TTF2: variants seen among roughly 807,000 people sequenced by gnomAD.
The protein encoded by TTF2 is transcription termination factor 2.
A neutral mutation model predicts 142.4 loss-of-function variants in TTF2; 108 were observed. The ratio of observed to expected loss-of-function variants is 0.76; its 90% CI spans 0.65 to 0.89. The LOEUF (loss-of-function observed/expected upper bound fraction) is 0.89. TTF2 is among the 40% of genes least tolerant of loss of function. The pLI, the probability that TTF2 is intolerant of heterozygous loss-of-function variation, is 0.00. For synonymous variants in TTF2, 483 were observed against 506.2 expected (o/e 0.95, Z 0.61); for missense variants, 1,327 against 1,379.8 (o/e 0.96, Z 0.61).
At chr1:117,084,244 C>A in intron 11 of TTF2, 76 bp downstream of exon 11, 1 of 1,569,320 alleles carries the variant, frequency 6.4e-7, no homozygotes, top group Non-Finnish European at 8.7e-7. Flanking sequence ...GCTCCCATCC[C>A]TGAGATTTCA....
chr1:117,071,525 G>A (rs1177425269), intron 3 of TTF2, among the ~76,000 whole-genome samples: 2 of 152,166 alleles, frequency 1.3e-5, no homozygotes, highest in Non-Finnish European at 2.9e-5. Flanking sequence ...CTAATGAGCA[G>A]TTACATGTTG....
chr1:117,077,957 A>G lies in TTF2; in HGVS notation c.1615A>G (p.Thr539Ala), dbSNP rs1657150147. 3 of 1,614,086 alleles carry G rather than the reference A, an allele frequency of 1.9e-6. No individual in the cohort carries two copies. The highest frequency in any genetic ancestry group is 3.3e-5 in the Admixed American group (2 of 60,006). ...QDHVHAVWKI[T>A]SEAIGQLHRS... is the part of the protein sequence containing the mutation. ...TCACGTTCATGCAGTGTGGAAAATC[A>G]CAAGTGAAGCCATCGGTCAACTGCA... The change falls in exon 8 of 23, where the codon ACA becomes GCA. Residue 539 changes from threonine (T) to alanine (A), a missense_variant. Thr to Ala is a moderately conservative substitution (Grantham distance 58). Coordinates refer to ENST00000369466, the MANE Select transcript of TTF2 (RefSeq NM_003594.4).
At position 117,095,769 on chromosome 1, in the gene TTF2, G is replaced by A. The variant is rs142061751; in HGVS notation, c.3036-380G>A. 3.3e-3 allele frequency among the ~76,000 whole-genome samples: 501 copies of A among 152,274 alleles called. 3 individuals carry two copies. Among genetic ancestry groups the A allele is most frequent in the South Asian group, 5.2e-3 (25 of 4,830 alleles). ...AATTTAGAACTCGAATTAAGACAGC[G>A]TGGGGGCAGGGAGGAGCCTGTTGTT... On this transcript the variant is annotated intron_variant, in intron 19 of 22. Coordinates refer to ENST00000369466, the MANE Select transcript of TTF2 (RefSeq NM_003594.4).
Position 117,090,562 on chromosome 1 carries a change from C to G in TTF2, c.2527C>G (p.His843Asp), listed in dbSNP as rs1648479287. ...ACTGCCCCAGCGTAAATTTCAGTTG[C>G]ACCATTTAAAGCTTTCTGAAGATGA... is the stretch of plus-strand genomic sequence containing the variant. Reference protein sequence around the residue: ...VILPQRKFQLHHLKLSEDEET... With the variant: ...VILPQRKFQLDHLKLSEDEET... Residue 843 changes from histidine to aspartate, a missense_variant, in exon 15 of 23, where the codon CAC becomes GAC. Transcript: ENST00000369466. The surrounding 1 kb of genome is among the most constrained non-coding windows in gnomAD (Gnocchi z 4.8). The G allele has an allele frequency of 3.1e-6, 5 of 1,613,864 alleles. No individual in the cohort carries two copies. Among genetic ancestry groups the G allele is most frequent in the Non-Finnish European group, 4.2e-6 (5 of 1,179,952 alleles).
chr1:117,096,649 G>T (rs1345995779), intron 20 of TTF2, among the ~76,000 whole-genome samples: 1 of 152,142 alleles, frequency 6.6e-6, no homozygotes, highest in Non-Finnish European at 1.5e-5. Flanking sequence ...AAGTGCTGGG[G>T]TTACAGGCGT....
chr1:117,101,013 T>C lies in TTF2; in HGVS notation c.3345-367T>C, dbSNP rs1649542706. ...ATTGTGAATTCACTAAGAAATACTC[T>C]ACTTAAACTAGCAGAAATTTGATAA... On this transcript the variant is annotated intron_variant, in intron 22 of 22. Coordinates refer to ENST00000369466, the MANE Select transcript of TTF2 (RefSeq NM_003594.4). This position sits in a 1 kb window ranked among gnomAD's most constrained non-coding sequence, Gnocchi z 5.9. Among the ~76,000 whole-genome samples, 2 of 152,356 alleles carry C rather than the reference T, an allele frequency of 1.3e-5. No individual in the cohort carries two copies. Among genetic ancestry groups the C allele is most frequent in the South Asian group, 2.1e-4 (1 of 4,828 alleles).
In TTF2 at chr1:117,075,957, G is replaced by C; in HGVS notation, c.1275+98G>C. ...CTACAGAAGGGTTAAATATGTTCATGTGAAGGTTTTATAGGTGCATGTTCA... is the reference window on the plus strand; with the variant it reads ...CTACAGAAGGGTTAAATATGTTCATCTGAAGGTTTTATAGGTGCATGTTCA... On this transcript the variant is annotated intron_variant, in intron 5 of 22. Transcript: ENST00000369466. This position sits in a 1 kb window ranked among gnomAD's most constrained non-coding sequence, Gnocchi z 4.5. 6.7e-7 allele frequency: 1 copy of C among 1,482,424 alleles called. No homozygotes were observed. The highest frequency in any genetic ancestry group is 2.3e-5 in the Admixed American group (1 of 43,382). 91.8% of individuals were successfully genotyped at this position (1,482,424 alleles called of 1,614,324 possible).
chr1:117,094,572 G>A (rs1648922272), intron 18 of TTF2: 1 of 470,534 alleles, frequency 2.1e-6, no homozygotes. Context: ...CGTCTGGACA[G>A]GTCCTTTTCA....
In TTF2 at chr1:117,093,609, G is replaced by T. The variant is rs1648807914; in HGVS notation, c.2976+708G>T. Among the ~76,000 whole-genome samples, 1 of 152,094 alleles carries T rather than the reference G, an allele frequency of 6.6e-6. No homozygotes were observed. Among genetic ancestry groups the T allele is most frequent in the South Asian group, 2.1e-4 (1 of 4,818 alleles). On this transcript the variant is annotated intron_variant, in intron 18 of 22. Coordinates refer to ENST00000369466, the MANE Select transcript of TTF2 (RefSeq NM_003594.4). The surrounding 1 kb of genome is among the most constrained non-coding windows in gnomAD (Gnocchi z 4.5). ...CTAGAAAGGTCACTTCCAGGGGAAT[G>T]GCATTATTTTTTAAAAGGAATGCTG...
At chr1:117,091,679 C>T (rs562838672) in intron 16 of TTF2, 138 bp from the exon 17 acceptor site, 1 of 1,138,442 alleles carries the variant, frequency 8.8e-7, no homozygotes, top group African/African-American at 1.6e-5. Context: ...ATTGAAGTGG[C>T]CTATAGAAGT....
chr1:117,093,039 T>G lies in TTF2; in HGVS notation c.2976+138T>G. 1.1e-6 allele frequency: 1 copy of G among 930,530 alleles called. No individual in the cohort carries two copies. The highest frequency in any genetic ancestry group is 1.6e-6 in the Non-Finnish European group (1 of 621,106). 57.6% of individuals were successfully genotyped at this position (930,530 alleles called of 1,614,324 possible). A position where few individuals can be genotyped will look rare whatever the true frequency, so the allele number is the denominator to read the frequency against. On this transcript the variant is annotated intron_variant, in intron 18 of 22. Transcript: ENST00000369466. This position sits in a 1 kb window ranked among gnomAD's most constrained non-coding sequence, Gnocchi z 4.5. ...AGCCGTTAAATTCTAGCTGATCAGATTCTCCCTCCAGTCTTAAAGCTTCAT... is the reference window on the plus strand; with the variant it reads ...AGCCGTTAAATTCTAGCTGATCAGAGTCTCCCTCCAGTCTTAAAGCTTCAT...
At chr1:117,096,386 T>C in intron 20 of TTF2, 87 bp downstream of exon 20, 2 of 1,515,560 alleles carry the variant, frequency 1.3e-6, no homozygotes, top group Non-Finnish European at 1.8e-6. Flanking sequence ...TTTTTGTTTT[T>C]GTCTTTTTGA....
intron 9 of TTF2, 59 bp from the exon 10 acceptor site, chr1:117,081,769 C>T: frequency 6.3e-7 from 1 of 1,577,130 alleles, no homozygotes. Context: ...TCCTCTTGAA[C>T]TAGGGTTGAT....
chr1:117,071,155 C>T (rs116106934), intron 3 of TTF2, among the ~76,000 whole-genome samples: 1,873 of 151,992 alleles, frequency 0.012, 23 homozygotes, highest in Non-Finnish European at 0.019. Flanking sequence ...AAATAAGGAG[C>T]TGCACCACAG....
intron 7 of TTF2, among the ~76,000 whole-genome samples, chr1:117,077,042 T>G (rs912746437): frequency 2.6e-5 from 4 of 152,196 alleles, no homozygotes; most frequent in Non-Finnish European, 4.4e-5. Context: ...ATTCTTCTAT[T>G]TTATTATTAT....
At chr1:117,065,665 A>T (rs1656038735) in intron 3 of TTF2, among the ~76,000 whole-genome samples, 1 of 152,150 alleles carries the variant, frequency 6.6e-6, no homozygotes, top group Admixed American at 6.5e-5. Flanking sequence ...CTTTTGTTAA[A>T]TTTATTTCTC....
At chr1:117,068,553 A>G (rs1282872387) in intron 3 of TTF2, among the ~76,000 whole-genome samples, 8 of 152,162 alleles carry the variant, frequency 5.3e-5, no homozygotes, top group African/African-American at 1.7e-4. Context: ...TAAAAAAAAA[A>G]AAAAGAAAAA....
chr1:117,082,283 G>A (rs1647591300), intron 10 of TTF2, among the ~76,000 whole-genome samples: 1 of 152,154 alleles, frequency 6.6e-6, no homozygotes, highest in Non-Finnish European at 1.5e-5. Context: ...CATGAACACA[G>A]CTTACTGCAG....
chr1:117,097,429 C>G lies in TTF2; in HGVS notation c.3265C>G (p.His1089Asp), dbSNP rs749522378. The G allele has an allele frequency of 1.2e-5, 19 of 1,614,106 alleles. No individual in the cohort carries two copies. Among genetic ancestry groups the G allele is most frequent in the Non-Finnish European group, 1.5e-5 (18 of 1,179,980 alleles). The change falls in exon 21 of 23, where the codon CAC (histidine) becomes GAC (aspartate). Residue 1089 changes from histidine to aspartate, a missense_variant. Transcript: ENST00000369466. The surrounding 1 kb of genome is among the most constrained non-coding windows in gnomAD (Gnocchi z 4.1). ...AAATCACCTCTTTCTTTTGGACATG[C>G]ACTGGTAATGATTCCGGATTTGTCC... ...GGNHLFLLDM[H>D]WNPSLEDQAC...
Sources: gnomAD v4.1 joint callset for allele counts (sites outside exome capture counted in the v4.1 genomes callset) on GRCh38, gnomAD v4.1.1 for gene constraint, Gnocchi (gnomAD v3.1) non-coding constraint, MANE v1.5 for transcripts, NCBI Gene and HGNC (gene_info 2026-07-23, HGNC 2026-07-21) for gene names.